The following ZFHX2 variants were observed in gnomAD, a reference collection of about 807,000 sequenced individuals.
ZFHX2 encodes the protein zinc finger homeobox protein 2.
ZFHX2 carries 75 observed loss-of-function variants against 164.8 expected under a neutral mutation model. The ratio of observed to expected loss-of-function variants is 0.46; its 90% CI spans 0.38 to 0.55. The LOEUF (loss-of-function observed/expected upper bound fraction) is 0.55. Ranked by LOEUF, ZFHX2 falls within the 20% of genes least tolerant of loss-of-function variation. The probability of loss-of-function intolerance (pLI) is 0.00; values close to 1 mark genes in which losing one functional copy is unlikely to be tolerated. For missense variants in ZFHX2, 2,933 were observed against 3,308.0 expected, an observed-to-expected ratio of 0.89 and a Z score of 2.78; for synonymous variants, 1,217 against 1,351.4, an observed-to-expected ratio of 0.90 and a Z score of 2.18.
At chr14:23,526,737 C>G in intron 8 of ZFHX2, 58 bp from the exon 9 acceptor site, 2 of 1,534,408 alleles carry the variant, frequency 1.3e-6, no homozygotes, top group South Asian at 2.4e-5. Context: ...CCAGACCCCA[C>G]CCACTCAATA....
chr14:23,528,754 GAAA>G (rs1879119354), intron 6 of ZFHX2: 1 of 985,266 alleles, frequency 1.0e-6, no homozygotes, highest in Non-Finnish European at 1.2e-6. Context: ...AGTGGCCCAG[GAAA>G]ATTCTGGCCC....
At chr14:23,555,534 T>G (rs1403285630), upstream of ZFHX2, among the ~76,000 whole-genome samples, 1 of 152,174 alleles carries the variant, frequency 6.6e-6, no homozygotes, top group Non-Finnish European at 1.5e-5. Context: ...ATATCTTTAG[T>G]TCCTGGCCAA....
rs1416055588 is a variant in ZFHX2, at chr14:23,522,912, G to A, written c.6769C>T (p.Leu2257Phe). The change falls in exon 10 of 10, where the codon CTC becomes TTC. Residue 2257 changes from leucine (L) to phenylalanine (F), a missense_variant. Coordinates refer to ENST00000419474, the MANE Select transcript of ZFHX2 (RefSeq NM_033400.3). ...GTGGTAGGCAGGACCGAAGTGGCGA[G>A]GCCGAGGAGGCCTGAGGAGGCTGCC... ...GPAASSGLLG[L>F]ATSVLPTTTV... The A allele has an allele frequency of 1.4e-6, 2 of 1,461,354 alleles. No individual in the cohort carries two copies. The highest frequency in any genetic ancestry group is 1.8e-6 in the Non-Finnish European group (2 of 1,110,932). The allele number at this position is 1,461,354 out of a possible 1,614,324, so 90.5% of individuals were successfully genotyped here. A position where few individuals can be genotyped will look rare whatever the true frequency, so the allele number is the denominator to read the frequency against.
At chr14:23,530,780 C>CA (rs1482650999) in intron 4 of ZFHX2, 1 of 286,368 alleles carries the variant, frequency 3.5e-6, no homozygotes, top group African/African-American at 2.3e-5. Context: ...AGCATATTGG[C>CA]AATTCAATTA....
intron 1 of ZFHX2, among the ~76,000 whole-genome samples, chr14:23,540,627 CA>C (rs1381700790): frequency 2.0e-5 from 3 of 152,218 alleles, no homozygotes; most frequent in Admixed American, 2.0e-4. Flanking sequence ...TGGATCCACA[CA>C]CAGAGAGCCA....
At position 23,525,040 on chromosome 14, in the gene ZFHX2, C is replaced by A; in HGVS notation, c.4902G>T (p.Leu1634=). ...ACCACACCACCACCACACGGCTAGC[C>A]AGACCCAACAGACTTGCGAGTCGCT... ...EVERLASLLG[L]ASRVVVVWFQ... is the part of the protein sequence containing the mutation. Residue 1634 remains leucine, a synonymous_variant, in exon 9 of 10, where the codon CTG becomes CTT. Coordinates refer to ENST00000419474, the MANE Select transcript of ZFHX2 (RefSeq NM_033400.3). This position sits in a 1 kb window ranked among gnomAD's most constrained non-coding sequence, Gnocchi z 5.9. The A allele has an allele frequency of 6.5e-7, 1 of 1,536,198 alleles. No homozygotes were observed.
rs1879786375 is a variant in ZFHX2, at chr14:23,533,252, A to C, written c.2041+33T>G. The C allele has an allele frequency of 9.0e-7, 1 of 1,105,060 alleles. No individual in the cohort carries two copies. The highest frequency in any genetic ancestry group is 1.2e-6 in the Non-Finnish European group (1 of 834,414). The allele number at this position is 1,105,060 out of a possible 1,614,324, so 68.5% of individuals were successfully genotyped here. ...CACGGAATAGAGTTTGGCCCTGGGGAGGAGAGAAGAGGGAAGAAGCACAGA... is the reference window on the plus strand; with the variant it reads ...CACGGAATAGAGTTTGGCCCTGGGGCGGAGAGAAGAGGGAAGAAGCACAGA... On this transcript the variant is annotated intron_variant, in intron 2 of 9. Transcript: ENST00000419474. This position sits in a 1 kb window ranked among gnomAD's most constrained non-coding sequence, Gnocchi z 4.8.
In ZFHX2 at chr14:23,533,152, G is replaced by A; in HGVS notation, c.2042-68C>T. On this transcript the variant is annotated intron_variant, in intron 2 of 9. Transcript: ENST00000419474. The surrounding 1 kb of genome is among the most constrained non-coding windows in gnomAD (Gnocchi z 4.8). Reference sequence around the variant, plus strand: ...GCACGGTTGGTTCTCTATGTGGGGAGGTGGGTTAATGAGTAGGATAGTGCT... The same window carrying A: ...GCACGGTTGGTTCTCTATGTGGGGAAGTGGGTTAATGAGTAGGATAGTGCT... 2.1e-6 allele frequency: 3 copies of A among 1,459,668 alleles called. No homozygotes were observed. The highest frequency in any genetic ancestry group is 2.7e-6 in the Non-Finnish European group (3 of 1,108,546). 90.4% of individuals were successfully genotyped at this position (1,459,668 alleles called of 1,614,324 possible).
chr14:23,539,859 A>C (rs1209555339), intron 1 of ZFHX2, among the ~76,000 whole-genome samples: 3 of 152,182 alleles, frequency 2.0e-5, no homozygotes, highest in Non-Finnish European at 4.4e-5. Flanking sequence ...TTTCCTCCCT[A>C]ACTCCCCTCC....
At chr14:23,541,107 T>C (rs1880758348) in intron 1 of ZFHX2, among the ~76,000 whole-genome samples, 1 of 151,982 alleles carries the variant, frequency 6.6e-6, no homozygotes, top group Non-Finnish European at 1.5e-5. Context: ...GGTTTCACCA[T>C]GTTGGCCAGG....
chr14:23,525,444 C>G lies in ZFHX2; in HGVS notation c.4498G>C (p.Glu1500Gln). The G allele has an allele frequency of 1.3e-6, 2 of 1,536,122 alleles. No homozygotes were observed. Among genetic ancestry groups the G allele is most frequent in the South Asian group, 2.4e-5 (2 of 84,054 alleles). Residue 1500 changes from glutamate (E) to glutamine (Q), a missense_variant, in exon 9 of 10, where the codon GAA becomes CAA. Glu to Gln is a conservative substitution (Grantham distance 29). Transcript: ENST00000419474. This position sits in a 1 kb window ranked among gnomAD's most constrained non-coding sequence, Gnocchi z 5.9. ...GGCAGAAAGCGGCGGTGGACATGTT[C>G]CTCGTGTGTCTTGAGGATAAGCATA... ...SNMLILKTHE[E>Q]HVHRRFLPFE...
intron 3 of ZFHX2, 166 bp from the exon 4 acceptor site, chr14:23,531,887 A>C (rs1351086299): frequency 2.1e-6 from 2 of 931,258 alleles, no homozygotes; most frequent in Non-Finnish European, 2.8e-6. Context: ...AGTGATTCTC[A>C]TGCCTCAGCC....
upstream of ZFHX2, among the ~76,000 whole-genome samples, chr14:23,553,594 C>T (rs966021147): frequency 5.3e-5 from 8 of 149,736 alleles, no homozygotes; most frequent in African/African-American, 1.2e-4. Context: ...AGTGAAACTC[C>T]GTCTCAAAAC....
chr14:23,549,813 A>T (rs1881779442), intron 1 of ZFHX2, among the ~76,000 whole-genome samples: 1 of 152,150 alleles, frequency 6.6e-6, no homozygotes, highest in African/African-American at 2.4e-5. Flanking sequence ...GCCTTCACAA[A>T]CCATACCCCA....
intron 6 of ZFHX2, chr14:23,528,555 T>C: frequency 1.0e-6 from 1 of 969,990 alleles, no homozygotes; most frequent in Non-Finnish European, 1.2e-6. Context: ...CCTCTGGGCA[T>C]TTTCTGGACC....
rs1157163097 is a variant in ZFHX2 at position 23,546,280 on chromosome 14, T to C, written c.-50+5063A>G. Among the ~76,000 whole-genome samples, 2 of 152,322 alleles carry C rather than the reference T, an allele frequency of 1.3e-5. No homozygotes were observed. Among genetic ancestry groups the C allele is most frequent in the South Asian group, 2.1e-4 (1 of 4,826 alleles). The stretch of plus-strand genomic sequence containing the variant: ...GCTGGGAATTCCAAGGCCTGAACTT[T>C]AGCTTTGATGTAATCCTGTGTTCCT... On this transcript the variant is annotated intron_variant, in intron 1 of 9. Transcript: ENST00000419474. This position sits in a 1 kb window ranked among gnomAD's most constrained non-coding sequence, Gnocchi z 4.7.
chr14:23,533,448 A>G lies in ZFHX2; in HGVS notation c.1878T>C (p.Thr626=). The change falls in exon 2 of 10, where the codon ACT becomes ACC. Residue 626 remains threonine, a synonymous_variant. Transcript: ENST00000419474. This position sits in a 1 kb window ranked among gnomAD's most constrained non-coding sequence, Gnocchi z 4.8. ...GPPPPPGATP[T]SPPELFQYFG... ...AGTACTGGAAGAGTTCAGGGGGGCT[A>G]GTGGGGGTAGCCCCTGGTGGGGGAG... is the stretch of plus-strand genomic sequence containing the variant. 1 of 1,533,226 alleles carries G rather than the reference A, an allele frequency of 6.5e-7. No individual in the cohort carries two copies. The highest frequency in any genetic ancestry group is 8.7e-7 in the Non-Finnish European group (1 of 1,144,928). The allele number at this position is 1,533,226 out of a possible 1,614,324, so 95.0% of individuals were successfully genotyped here.
Position 23,524,381 on chromosome 14 carries a change from G to T in ZFHX2, c.5561C>A (p.Pro1854His), listed in dbSNP as rs1221649136. 3.7e-5 allele frequency: 57 copies of T among 1,536,090 alleles called. No individual in the cohort carries two copies. The highest frequency in any genetic ancestry group is 4.9e-5 in the Non-Finnish European group (56 of 1,146,920). The stretch of plus-strand genomic sequence containing the variant: ...GGTGCGCAGGCGCTTGTCCCTGGGG[G>T]GCTCGCCCTCCCCTCCTCCCCCTGC... ...SEAGGGGEGE[P>H]PRDKRLRTTI... Residue 1854 changes from proline to histidine, a missense_variant, in exon 9 of 10, where the codon CCC becomes CAC. Physicochemically the swap from Pro to His is moderately conservative, Grantham distance 77. Coordinates refer to ENST00000419474, the MANE Select transcript of ZFHX2 (RefSeq NM_033400.3). This position sits in a 1 kb window ranked among gnomAD's most constrained non-coding sequence, Gnocchi z 5.6.
chr14:23,535,151 GT>G lies in ZFHX2; in HGVS notation c.174del (p.Gln59SerfsTer52), dbSNP rs1321841777. The G allele has an allele frequency of 6.5e-7, 1 of 1,536,036 alleles. No individual in the cohort carries two copies. The highest frequency in any genetic ancestry group is 8.7e-7 in the Non-Finnish European group (1 of 1,146,738). ...SENMRSSEPG[G>X]QLLESGCGLV... ...AGGCCACAGCCCGACTCCAGGAGCT[GT>G]CCCCCTGGCTCTGAGGACCTCATGT... On this transcript the variant is annotated frameshift_variant, in exon 2 of 10. Coordinates refer to ENST00000419474, the MANE Select transcript of ZFHX2 (RefSeq NM_033400.3). LOFTEE classifies it high-confidence loss of function. The surrounding 1 kb of genome is among the most constrained non-coding windows in gnomAD (Gnocchi z 4.5).
Sources: gnomAD v4.1 joint callset for allele counts (sites outside exome capture counted in the v4.1 genomes callset) on GRCh38, gnomAD v4.1.1 for gene constraint, Gnocchi (gnomAD v3.1) non-coding constraint, MANE v1.5 for transcripts, NCBI Gene and HGNC (gene_info 2026-07-23, HGNC 2026-07-21) for gene names.